Variants in EPHA3 observed in about 807,000 individuals in gnomAD.
EPHA3 encodes the protein EPH receptor A3.
Under a neutral mutation model 107.1 loss-of-function variants are expected in EPHA3, and 42 were observed. The observed-to-expected ratio is 0.39, with a 90% CI of 0.31 to 0.51. The LOEUF (loss-of-function observed/expected upper bound fraction) is 0.51, where lower values mean the gene tolerates loss of function less well. Ranked by LOEUF, EPHA3 falls within the 20% of genes least tolerant of loss-of-function variation. EPHA3 has a pLI of 0.78. For missense variants in EPHA3, 1,183 were observed against 1,211.2 expected (o/e 0.98, Z 0.35); for synonymous variants, 461 against 424.8 (o/e 1.09, Z -1.05).
At chr3:89,405,036 A>G (rs1218153670) in intron 7 of EPHA3, among the ~76,000 whole-genome samples, 1 of 152,202 alleles carries the variant, frequency 6.6e-6, no homozygotes, top group Non-Finnish European at 1.5e-5. Flanking sequence ...AGGAAGATAC[A>G]AAGATGAAAC....
At chr3:89,436,907 A>AT (rs772209212) in intron 13 of EPHA3, among the ~76,000 whole-genome samples, 4 of 151,944 alleles carry the variant, frequency 2.6e-5, no homozygotes, top group Admixed American at 2.6e-4. Flanking sequence ...AAGGAATCAG[A>AT]TTTTTTTCCC....
chr3:89,289,610 C>A (rs1055201905), intron 3 of EPHA3, among the ~76,000 whole-genome samples: 3 of 151,932 alleles, frequency 2.0e-5, no homozygotes, highest in Non-Finnish European at 4.4e-5. Context: ...TTAATAGGTA[C>A]TGTATTGTTA....
intron 2 of EPHA3, among the ~76,000 whole-genome samples, chr3:89,162,531 C>G (rs892191568): frequency 6.6e-6 from 1 of 152,168 alleles, no homozygotes; most frequent in Non-Finnish European, 1.5e-5. Flanking sequence ...TGTCCAACCT[C>G]TCTCCTTCTC....
At chr3:89,273,118 A>G (rs1260422850) in intron 3 of EPHA3, among the ~76,000 whole-genome samples, 1 of 151,962 alleles carries the variant, frequency 6.6e-6, no homozygotes, top group Non-Finnish European at 1.5e-5. Context: ...TAACGTTTGT[A>G]TGCATTGTGA....
intron 3 of EPHA3, among the ~76,000 whole-genome samples, chr3:89,328,050 A>G (rs557976720): frequency 6.6e-6 from 1 of 152,204 alleles, no homozygotes; most frequent in South Asian, 2.1e-4. Flanking sequence ...GTCAGCCGAG[A>G]TCATGCCACG....
chr3:89,429,221 G>C, intron 12 of EPHA3, 54 bp downstream of exon 12: 2 of 1,370,148 alleles, frequency 1.5e-6, no homozygotes, highest in Non-Finnish European at 2.1e-6. Context: ...GAAAACATTA[G>C]AGACACCCTC....
Position 89,395,862 on chromosome 3 carries a change from G to A in EPHA3, c.1332G>A (p.Lys444=), listed in dbSNP as rs1348993609. ...QAAPSPVLTI[K]KDRTSRNSIS... ...CTCCATCACCTGTCCTGACGATTAAGAAAGATCGGACCTCCAGAAATAGCA... is the reference window on the plus strand; with the variant it reads ...CTCCATCACCTGTCCTGACGATTAAAAAAGATCGGACCTCCAGAAATAGCA... Residue 444 remains lysine, a synonymous_variant, in exon 6 of 17, where the codon AAG becomes AAA. Transcript: ENST00000336596. 1 of 1,613,824 alleles carries A rather than the reference G, an allele frequency of 6.2e-7. No individual in the cohort carries two copies. Among genetic ancestry groups the A allele is most frequent in the Non-Finnish European group, 8.5e-7 (1 of 1,179,944 alleles).
chr3:89,407,255 C>A lies in EPHA3; in HGVS notation c.1595-14C>A, dbSNP rs1365333807. 6.2e-7 allele frequency: 1 copy of A among 1,603,966 alleles called. No homozygotes were observed. Among genetic ancestry groups the A allele is most frequent in the Non-Finnish European group, 8.5e-7 (1 of 1,171,528 alleles). ...TATAATACCTGTTCTTATTTTTTCT[C>A]TTCAACCTCACAGCTTTCTCCATCT... is the stretch of plus-strand genomic sequence containing the variant. On this transcript the variant is annotated splice_polypyrimidine_tract_variant and intron_variant, in intron 7 of 16. Coordinates refer to ENST00000336596, the MANE Select transcript of EPHA3 (RefSeq NM_005233.6).
In EPHA3 at chr3:89,395,903, A is replaced by G; in HGVS notation, c.1373A>G (p.Gln458Arg). Residue 458 changes from glutamine to arginine, a missense_variant, in exon 6 of 17, where the codon CAA becomes CGA. Physicochemically the swap from Gln to Arg is conservative, Grantham distance 43. Transcript: ENST00000336596. ...TSRNSISLSW[Q>R]EPEHPNGIIL... ...AGAAATAGCATCTCTTTGTCCTGGC[A>G]AGAACCTGAACATCCTAATGGGATC... 1 of 1,614,110 alleles carries G rather than the reference A, an allele frequency of 6.2e-7. No homozygotes were observed. The highest frequency in any genetic ancestry group is 8.5e-7 in the Non-Finnish European group (1 of 1,179,984).
Position 89,107,681 on chromosome 3 carries a change from G to A in EPHA3, c.-68G>A. 7.1e-7 allele frequency: 1 copy of A among 1,403,960 alleles called. No homozygotes were observed. The highest frequency in any genetic ancestry group is 1.0e-6 in the Non-Finnish European group (1 of 994,198). The allele number at this position is 1,403,960 out of a possible 1,614,324, so 87.0% of individuals were successfully genotyped here. A position where few individuals can be genotyped will look rare whatever the true frequency, so the allele number is the denominator to read the frequency against. ...TGGTAACTTCTCCAGCAATCAGAGC[G>A]CTCCCCCTCACATCAGTGGCATGCT... On this transcript the variant is annotated 5_prime_UTR_variant, in exon 1 of 17. Coordinates refer to ENST00000336596, the MANE Select transcript of EPHA3 (RefSeq NM_005233.6).
At chr3:89,407,849 G>A (rs891209613) in intron 8 of EPHA3, among the ~76,000 whole-genome samples, 2 of 152,118 alleles carry the variant, frequency 1.3e-5, no homozygotes, top group Non-Finnish European at 2.9e-5. Flanking sequence ...ACAGTGGGAA[G>A]CAACTCTGTG....
intron 3 of EPHA3, among the ~76,000 whole-genome samples, chr3:89,300,603 C>G (rs1706461555): frequency 6.6e-6 from 1 of 151,930 alleles, no homozygotes; most frequent in Non-Finnish European, 1.5e-5. Flanking sequence ...AAACAATTAT[C>G]TTTATTGTCT....
chr3:89,231,049 A>T (rs7427519), intron 3 of EPHA3, among the ~76,000 whole-genome samples: 117 of 152,256 alleles, frequency 7.7e-4, no homozygotes, highest in Non-Finnish European at 1.3e-3. Context: ...CTCATTTGTT[A>T]TACATTACCC....
intron 13 of EPHA3, among the ~76,000 whole-genome samples, chr3:89,446,804 T>C (rs1465496297): frequency 6.6e-6 from 1 of 152,134 alleles, no homozygotes; most frequent in Non-Finnish European, 1.5e-5. Context: ...ATACCTTCAG[T>C]AATACTGAAA....
intron 5 of EPHA3, among the ~76,000 whole-genome samples, chr3:89,367,929 G>C (rs1373987316): frequency 1.3e-5 from 2 of 150,540 alleles, no homozygotes; most frequent in African/African-American, 4.8e-5. Context: ...GTTCTAATTT[G>C]TATTAGAATG....
chr3:89,399,491 T>G lies in EPHA3; in HGVS notation c.1594+11T>G, dbSNP rs753762127. 2 of 1,613,706 alleles carry G rather than the reference T, an allele frequency of 1.2e-6. No individual in the cohort carries two copies. The highest frequency in any genetic ancestry group is 1.7e-6 in the Non-Finnish European group (2 of 1,179,672). ...AAACTAGTCCAGACTGTATGTATTA[T>G]TTCAATGCAGTCTAGAGGAGGGGGC... On this transcript the variant is annotated intron_variant, in intron 7 of 16. Coordinates refer to ENST00000336596, the MANE Select transcript of EPHA3 (RefSeq NM_005233.6).
intron 3 of EPHA3, among the ~76,000 whole-genome samples, chr3:89,331,262 GTTT>G (rs1272239186): frequency 6.6e-6 from 1 of 151,956 alleles, no homozygotes; most frequent in African/African-American, 2.4e-5. Flanking sequence ...GAACCTTTTC[GTTT>G]TTAAGTTTAT....
At chr3:89,468,591 T>C (rs1184422068) in intron 15 of EPHA3, among the ~76,000 whole-genome samples, 1 of 152,238 alleles carries the variant, frequency 6.6e-6, no homozygotes, top group Non-Finnish European at 1.5e-5. Context: ...CTCCAGCTAC[T>C]GTAGACAGAG....
At chr3:89,322,789 A>T (rs182192574) in intron 3 of EPHA3, among the ~76,000 whole-genome samples, 2 of 152,236 alleles carry the variant, frequency 1.3e-5, no homozygotes, top group Non-Finnish European at 2.9e-5. Context: ...ATTTCAGAGC[A>T]TGGTAAACGT....
Sources: gnomAD v4.1 joint callset for allele counts (sites outside exome capture counted in the v4.1 genomes callset) on GRCh38, gnomAD v4.1.1 for gene constraint, MANE v1.5 for transcripts, NCBI Gene and HGNC (gene_info 2026-07-23, HGNC 2026-07-21) for gene names.